DOCK5: variants seen among roughly 807,000 people sequenced by gnomAD.
The protein encoded by DOCK5 is dedicator of cytokinesis protein 5.
A neutral mutation model predicts 251.8 loss-of-function variants in DOCK5; 142 were observed. That is an observed-to-expected ratio of 0.56 (90% CI 0.49 to 0.65). The LOEUF (loss-of-function observed/expected upper bound fraction) is 0.65, where lower values mean the gene tolerates loss of function less well. Ranked by LOEUF, DOCK5 falls within the 30% of genes least tolerant of loss-of-function variation. DOCK5 has a pLI of 0.00. For missense variants in DOCK5, 2,111 were observed against 2,312.3 expected, an observed-to-expected ratio of 0.91 and a Z score of 1.79; for synonymous variants, 842 against 835.5, an observed-to-expected ratio of 1.01 and a Z score of -0.13.
intron 1 of DOCK5, among the ~76,000 whole-genome samples, chr8:25,194,129 CAAAA>C (rs34709261): frequency 1.4e-5 from 2 of 139,108 alleles, no homozygotes; most frequent in African/African-American, 5.5e-5. Context: ...CTAAAAAATA[CAAAA>C]AAAAAAAAAA....
intron 36 of DOCK5, 101 bp from the exon 37 acceptor site, chr8:25,374,463 C>T: frequency 8.8e-7 from 1 of 1,131,548 alleles, no homozygotes; most frequent in Non-Finnish European, 1.3e-6. Context: ...CCACTGCATA[C>T]TGCAGCCTGG....
chr8:25,406,094 G>A (rs575855178), intron 48 of DOCK5, among the ~76,000 whole-genome samples: 1 of 152,214 alleles, frequency 6.6e-6, no homozygotes, highest in South Asian at 2.1e-4. Context: ...GAGTAGCTGA[G>A]ACTACAGGCG....
At chr8:25,392,021 G>A (rs749908290) in intron 43 of DOCK5, 41 bp downstream of exon 43, 27 of 1,588,692 alleles carry the variant, frequency 1.7e-5, no homozygotes, top group African/African-American at 2.7e-5. Context: ...TAAAATTAAC[G>A]GGCTGAGCAC....
At chr8:25,239,713 A>G (rs928146940) in intron 1 of DOCK5, among the ~76,000 whole-genome samples, 1 of 152,184 alleles carries the variant, frequency 6.6e-6, no homozygotes, top group African/African-American at 2.4e-5. Flanking sequence ...CCCATGAGAA[A>G]GTCTAGGAAT....
At chr8:25,363,162 C>A in intron 29 of DOCK5, 21 bp downstream of exon 29, 1 of 1,603,336 alleles carries the variant, frequency 6.2e-7, no homozygotes, top group Non-Finnish European at 8.5e-7. Flanking sequence ...CCATGGCTGG[C>A]CCTGAGGCAT....
At chr8:25,382,196 C>T (rs1211312582) in intron 39 of DOCK5, among the ~76,000 whole-genome samples, 2 of 152,024 alleles carry the variant, frequency 1.3e-5, no homozygotes, top group Non-Finnish European at 1.5e-5. Flanking sequence ...AGGCTGGTCT[C>T]AAACTCCTAG....
At chr8:25,252,770 G>A (rs767849233) in intron 2 of DOCK5, among the ~76,000 whole-genome samples, 1 of 152,144 alleles carries the variant, frequency 6.6e-6, no homozygotes, top group African/African-American at 2.4e-5. Flanking sequence ...TAAAAAAAGC[G>A]AATGCCTTCT....
At chr8:25,327,918 G>A (rs1410512895) in intron 18 of DOCK5, among the ~76,000 whole-genome samples, 1 of 152,222 alleles carries the variant, frequency 6.6e-6, no homozygotes, top group Admixed American at 6.5e-5. Context: ...GAGATAATGT[G>A]TGTGTTAATT....
intron 38 of DOCK5, among the ~76,000 whole-genome samples, chr8:25,379,207 G>A (rs964441339): frequency 3.9e-5 from 6 of 152,180 alleles, no homozygotes; most frequent in Admixed American, 3.3e-4. Context: ...ATTTACCAGA[G>A]TGGAATTTCC....
intron 27 of DOCK5, among the ~76,000 whole-genome samples, chr8:25,358,234 A>G (rs867703989): frequency 1.3e-5 from 2 of 152,192 alleles, no homozygotes; most frequent in Non-Finnish European, 2.9e-5. Context: ...GAAACCTACA[A>G]TCATGGCAGA....
rs1347320288 is a variant in DOCK5, at chr8:25,359,044, A to C, written c.2932A>C (p.Thr978Pro). The C allele has an allele frequency of 7.4e-6, 12 of 1,613,828 alleles. No individual in the cohort carries two copies. The Admixed American group carries it at 2.0e-4, about 27-fold the overall frequency. ...HYSHYISTFK[T>P]RQDIIDFLME... ...TAGCCACTACATCAGCACTTTCAAA[A>C]CCAGACAAGACATCATCGTAAGTTG... The change falls in exon 28 of 52, where the codon ACC becomes CCC. Residue 978 changes from threonine to proline, a missense_variant. Transcript: ENST00000276440.
chr8:25,200,932 A>G (rs1036061208), intron 1 of DOCK5, among the ~76,000 whole-genome samples: 18 of 151,916 alleles, frequency 1.2e-4, no homozygotes, highest in Non-Finnish European at 2.1e-4. Context: ...TTTGAGATGG[A>G]GTCTTGCTTT....
intron 40 of DOCK5, among the ~76,000 whole-genome samples, chr8:25,385,386 C>G (rs541394060): frequency 1.3e-5 from 2 of 152,010 alleles, no homozygotes; most frequent in South Asian, 2.1e-4. Context: ...TACAGAGAAG[C>G]GGAAATACTA....
At chr8:25,385,829 T>G (rs1462673977) in intron 40 of DOCK5, among the ~76,000 whole-genome samples, 1 of 152,072 alleles carries the variant, frequency 6.6e-6, no homozygotes, top group Non-Finnish European at 1.5e-5. Context: ...AGGCAGGTGT[T>G]GGGGATGGAG....
intron 37 of DOCK5, 32 bp from the exon 38 acceptor site, chr8:25,377,273 A>G (rs1254447996): frequency 1.3e-6 from 2 of 1,592,206 alleles, no homozygotes; most frequent in South Asian, 2.3e-5. Context: ...TATTTGTTGT[A>G]TTAACCGTGT....
intron 1 of DOCK5, among the ~76,000 whole-genome samples, chr8:25,207,885 C>T (rs578092912): frequency 1.1e-4 from 16 of 152,252 alleles, no homozygotes; most frequent in Admixed American, 5.9e-4. Flanking sequence ...ATAGTGATTA[C>T]GCTGATGGTT....
Position 25,400,982 on chromosome 8 carries a change from G to C in DOCK5, c.4842G>C (p.Gln1614His), listed in dbSNP as rs2117335321. Residue 1614 changes from glutamine to histidine, a missense_variant, in exon 47 of 52, where the codon CAG (glutamine) becomes CAC (histidine). Physicochemically the swap from Gln to His is conservative, Grantham distance 24. Coordinates refer to ENST00000276440, the MANE Select transcript of DOCK5 (RefSeq NM_024940.8). ...IRIHGEKLTEQLKPLHERLSS... is the reference protein window; with the variant it reads ...IRIHGEKLTEHLKPLHERLSS... ...TCCATGGGGAGAAACTCACAGAGCA[G>C]CTGAAGCCGCTGCATGAGCGGTTGT... 3 of 1,614,066 alleles carry C rather than the reference G, an allele frequency of 1.9e-6. No homozygotes were observed. The East Asian group carries it at 6.7e-5, about 36-fold the overall frequency.
intron 27 of DOCK5, among the ~76,000 whole-genome samples, chr8:25,356,902 G>T (rs1800582700): frequency 1.9e-5 from 2 of 105,446 alleles, no homozygotes; most frequent in Admixed American, 1.1e-4. Context: ...CCCTCTATAT[G>T]AAGATTATAT....
At chr8:25,275,239 C>A in intron 3 of DOCK5, 147 bp from the exon 4 acceptor site, 1 of 579,112 alleles carries the variant, frequency 1.7e-6, no homozygotes, top group Non-Finnish European at 3.0e-6. Flanking sequence ...AGCCAGTCAA[C>A]GTAAGTGGTG....
Sources: gnomAD v4.1 joint callset for allele counts (sites outside exome capture counted in the v4.1 genomes callset) on GRCh38, gnomAD v4.1.1 for gene constraint, MANE v1.5 for transcripts, NCBI Gene and HGNC (gene_info 2026-07-23, HGNC 2026-07-21) for gene names.